The following FOSB variants were observed in gnomAD, a reference collection of about 807,000 sequenced individuals.
FOSB encodes protein FosB.
In FOSB, 8 loss-of-function variants were observed where a neutral mutation model predicts 31.1. The ratio of observed to expected loss-of-function variants is 0.26; its 90% CI spans 0.15 to 0.46. FOSB has a LOEUF of 0.46. Among genes scored for constraint, FOSB ranks in the 20% least tolerant of loss-of-function variants. The pLI, the probability that FOSB is intolerant of heterozygous loss-of-function variation, is 0.99. For missense variants in FOSB, 376 were observed against 460.6 expected, an observed-to-expected ratio of 0.82 and a Z score of 1.68; for synonymous variants, 214 against 206.1, an observed-to-expected ratio of 1.04 and a Z score of -0.33.
rs753462057 is a variant in FOSB, at chr19:45,472,562, G to A, written c.567G>A (p.Gln189=). The A allele has an allele frequency of 3.3e-6, 5 of 1,513,752 alleles. No individual in the cohort carries two copies. Among genetic ancestry groups the A allele is most frequent in the South Asian group, 1.3e-5 (1 of 74,316 alleles). The allele number at this position is 1,513,752 out of a possible 1,614,324, so 93.8% of individuals were successfully genotyped here. A position where few individuals can be genotyped will look rare whatever the true frequency, so the allele number is the denominator to read the frequency against. ...CTCCCTGGCCTCAGGAGACAGATCA[G>A]TTGGAGGAAGAAAAAGCAGAGCTGG... ...LTDRLQAETD[Q]LEEEKAELES... Residue 189 remains glutamine, a synonymous_variant, in exon 4 of 4, where the codon CAG becomes CAA. Transcript: ENST00000353609. The surrounding 1 kb of genome is among the most constrained non-coding windows in gnomAD (Gnocchi z 5.4).
Position 45,474,891 on chromosome 19 carries a change from G to A in FOSB, c.*1879G>A, listed in dbSNP as rs2122172062. The A allele has an allele frequency of 6.6e-6, 1 of 152,186 alleles. No homozygotes were observed. Among genetic ancestry groups the A allele is most frequent in the Non-Finnish European group, 1.5e-5 (1 of 68,012 alleles). 9.4% of individuals were successfully genotyped at this position (152,186 alleles called of 1,614,324 possible). A position where few individuals can be genotyped will look rare whatever the true frequency, so the allele number is the denominator to read the frequency against. On this transcript the variant is annotated 3_prime_UTR_variant, in exon 4 of 4. Coordinates refer to ENST00000353609, the MANE Select transcript of FOSB (RefSeq NM_006732.3). ...ATGCTCCAGCTGTCGTCTGACTCTG[G>A]GTTCGTTGGGGACATGAGATTTTAT...
At chr19:45,469,156 C>T (rs1269761094) in intron 1 of FOSB, among the ~76,000 whole-genome samples, 2 of 152,256 alleles carry the variant, frequency 1.3e-5, no homozygotes, top group Non-Finnish European at 2.9e-5. Context: ...GGGTCGCCCT[C>T]CACCCATCGG....
chr19:45,471,276 G>C lies in FOSB; in HGVS notation c.530G>C (p.Arg177Thr). The C allele has an allele frequency of 6.4e-7, 1 of 1,566,016 alleles. No homozygotes were observed. The highest frequency in any genetic ancestry group is 8.7e-7 in the Non-Finnish European group (1 of 1,154,884). Reference protein sequence around the residue: ...LAAAKCRNRRRELTDRLQAET... With the variant: ...LAAAKCRNRRTELTDRLQAET... ...GCAGCTAAATGCAGGAACCGGCGGA[G>C]GGAGCTGACCGACCGACTCCAGGCG... is the stretch of plus-strand genomic sequence containing the variant. Residue 177 changes from arginine to threonine, a missense_variant, in exon 3 of 4, where the codon AGG becomes ACG. Physicochemically the swap from Arg to Thr is moderately conservative, Grantham distance 71. Around this residue, in one of 3 missense-constraint regions of FOSB, gnomAD observed 35 missense variants for 83.5 expected, o/e 0.42. Coordinates refer to ENST00000353609, the MANE Select transcript of FOSB (RefSeq NM_006732.3).
At position 45,472,572 on chromosome 19, in the gene FOSB, G is replaced by C; in HGVS notation, c.577G>C (p.Glu193Gln). 1 of 1,517,686 alleles carries C rather than the reference G, an allele frequency of 6.6e-7. No individual in the cohort carries two copies. Among genetic ancestry groups the C allele is most frequent in the Non-Finnish European group, 8.8e-7 (1 of 1,135,092 alleles). 94.0% of individuals were successfully genotyped at this position (1,517,686 alleles called of 1,614,324 possible). A position where few individuals can be genotyped will look rare whatever the true frequency, so the allele number is the denominator to read the frequency against. ...LQAETDQLEE[E>Q]KAELESEIAE... ...TCAGGAGACAGATCAGTTGGAGGAAGAAAAAGCAGAGCTGGAGTCGGAGAT... is the reference window on the plus strand; with the variant it reads ...TCAGGAGACAGATCAGTTGGAGGAACAAAAAGCAGAGCTGGAGTCGGAGAT... The change falls in exon 4 of 4, where the codon GAA becomes CAA. Residue 193 changes from glutamate (E) to glutamine (Q), a missense_variant. This residue lies in a region of FOSB where 35 missense variants were observed against 83.5 expected (regional missense o/e 0.42). Transcript: ENST00000353609. This position sits in a 1 kb window ranked among gnomAD's most constrained non-coding sequence, Gnocchi z 5.4.
At chr19:45,471,076 G>A (rs902667222) in intron 2 of FOSB, 118 bp from the exon 3 acceptor site, 4 of 1,328,876 alleles carry the variant, frequency 3.0e-6, no homozygotes, top group Non-Finnish European at 4.2e-6. Context: ...CTTGCTACAC[G>A]AGCGAGGACC....
At position 45,468,901 on chromosome 19, in the gene FOSB, G is replaced by A. The variant is rs1227307220; in HGVS notation, c.126+189G>A. Reference sequence around the variant, plus strand: ...TTGCAATTGGTTGCGTGCGTGGAGCGCAAGGAGGGAACGCGGCAGGGAGGG... The same window carrying A: ...TTGCAATTGGTTGCGTGCGTGGAGCACAAGGAGGGAACGCGGCAGGGAGGG... On this transcript the variant is annotated intron_variant, in intron 1 of 3. Transcript: ENST00000353609. This position sits in a 1 kb window ranked among gnomAD's most constrained non-coding sequence, Gnocchi z 4.8. Among the ~76,000 whole-genome samples, 1 of 152,174 alleles carries A rather than the reference G, an allele frequency of 6.6e-6. No individual in the cohort carries two copies.
rs377466585 is a variant in FOSB, at chr19:45,470,893, G to C, written c.391G>C (p.Gly131Arg). The change falls in exon 2 of 4, where the codon GGG (glycine) becomes CGG (arginine). Residue 131 changes from glycine (G) to arginine (R), a missense_variant. By Grantham distance (125) the Gly-to-Arg change is moderately radical. Transcript: ENST00000353609. ...GGPSTSGTTS[G>R]PGPARPARAR... Reference sequence around the variant, plus strand: ...GCCTTCCACCAGCGGAACTACCAGTGGGCCTGGGCCTGCCCGCCCAGCCCG... The same window carrying C: ...GCCTTCCACCAGCGGAACTACCAGTCGGCCTGGGCCTGCCCGCCCAGCCCG... The C allele has an allele frequency of 6.8e-6, 11 of 1,613,728 alleles. No individual in the cohort carries two copies. In the African/African-American group the frequency reaches 1.3e-4, roughly 20 times the overall value.
intron 3 of FOSB, chr19:45,471,502 C>CCT (rs1555795295): frequency 6.8e-6 from 3 of 439,380 alleles, no homozygotes; most frequent in African/African-American, 4.0e-5. Context: ...CTGGTCCCCC[C>CCT]CCCATTTCCT....
intron 2 of FOSB, 70 bp downstream of exon 2, chr19:45,471,019 G>T: frequency 6.7e-7 from 1 of 1,501,306 alleles, no homozygotes; most frequent in Non-Finnish European, 9.2e-7. Context: ...TCTTATGAAT[G>T]GAGGGGGGCT....
chr19:45,470,921 C>T lies in FOSB; in HGVS notation c.419C>T (p.Ala140Val). 1 of 1,612,888 alleles carries T rather than the reference C, an allele frequency of 6.2e-7. No individual in the cohort carries two copies. The highest frequency in any genetic ancestry group is 1.3e-5 in the African/African-American group (1 of 75,006). ...CCTGGGCCTGCCCGCCCAGCCCGAG[C>T]CCGGCCTAGGAGACCCCGAGAGGAG... ...SGPGPARPAR[A>V]RPRRPREETL... The change falls in exon 2 of 4, where the codon GCC becomes GTC. Residue 140 changes from alanine to valine, a missense_variant. Physicochemically the swap from Ala to Val is moderately conservative, Grantham distance 64 (BLOSUM62 0). Coordinates refer to ENST00000353609, the MANE Select transcript of FOSB (RefSeq NM_006732.3).
chr19:45,470,603 CTGTG>C lies in FOSB; in HGVS notation c.127-20_127-17del, dbSNP rs766662878. On this transcript the variant is annotated intron_variant, in intron 1 of 3. Coordinates refer to ENST00000353609, the MANE Select transcript of FOSB (RefSeq NM_006732.3). Reference sequence around the variant, plus strand: ...GGTGTCTTTGTTTGTGTGTCTACGCCTGTGTGTGTATGTGTCACCCCGTAGGAGT... The same window carrying C: ...GGTGTCTTTGTTTGTGTGTCTACGCCTGTGTATGTGTCACCCCGTAGGAGT... 167 of 1,577,338 alleles carry C rather than the reference CTGTG, an allele frequency of 1.1e-4. No individual in the cohort carries two copies. In the Admixed American group the frequency reaches 2.2e-3, roughly 21 times the overall value.
rs771687459 is a variant in FOSB, at chr19:45,470,671, A to T, written c.169A>T (p.Thr57Ser). 1 of 1,612,466 alleles carries T rather than the reference A, an allele frequency of 6.2e-7. No homozygotes were observed. The highest frequency in any genetic ancestry group is 1.1e-5 in the South Asian group (1 of 91,022). ...GGAAATGCCCGGTTCCTTCGTGCCC[A>T]CGGTCACCGCGATCACAACCAGCCA... ...LGEMPGSFVP[T>S]VTAITTSQDL... Residue 57 changes from threonine to serine, a missense_variant, in exon 2 of 4, where the codon ACG becomes TCG. Physicochemically the swap from Thr to Ser is moderately conservative, Grantham distance 58. This residue lies in a region of FOSB where 193 missense variants were observed against 207.1 expected (regional missense o/e 0.93). Coordinates refer to ENST00000353609, the MANE Select transcript of FOSB (RefSeq NM_006732.3).
rs1568614306 is a variant in FOSB, at chr19:45,472,541, C to A, written c.556-10C>A. On this transcript the variant is annotated splice_polypyrimidine_tract_variant and intron_variant, in intron 3 of 3. Transcript: ENST00000353609. The surrounding 1 kb of genome is among the most constrained non-coding windows in gnomAD (Gnocchi z 5.4). ...CTCTCTCTTCTGTGACCTGGCCTCC[C>A]TGGCCTCAGGAGACAGATCAGTTGG... The A allele has an allele frequency of 1.3e-6, 2 of 1,506,424 alleles. No individual in the cohort carries two copies. Among genetic ancestry groups the A allele is most frequent in the East Asian group, 4.6e-5 (2 of 43,210 alleles). The allele number at this position is 1,506,424 out of a possible 1,614,324, so 93.3% of individuals were successfully genotyped here.
chr19:45,472,479 A>T lies in FOSB; in HGVS notation c.556-72A>T. The T allele has an allele frequency of 7.9e-7, 1 of 1,272,374 alleles. No individual in the cohort carries two copies. Among genetic ancestry groups the T allele is most frequent in the Non-Finnish European group, 1.1e-6 (1 of 945,592 alleles). 78.8% of individuals were successfully genotyped at this position (1,272,374 alleles called of 1,614,324 possible). ...GCAAGTCCAAGGGAGCCATGACCCG[A>T]GTTTCCCGGTCACTGACATGCTTTT... is the stretch of plus-strand genomic sequence containing the variant. On this transcript the variant is annotated intron_variant, in intron 3 of 3. Coordinates refer to ENST00000353609, the MANE Select transcript of FOSB (RefSeq NM_006732.3). The surrounding 1 kb of genome is among the most constrained non-coding windows in gnomAD (Gnocchi z 5.4).
In FOSB at chr19:45,471,218, C is replaced by A; in HGVS notation, c.472C>A (p.Arg158=). 1.3e-6 allele frequency: 2 copies of A among 1,565,990 alleles called. No individual in the cohort carries two copies. The highest frequency in any genetic ancestry group is 1.7e-6 in the Non-Finnish European group (2 of 1,154,948). The change falls in exon 3 of 4, where the codon CGA becomes AGA. Residue 158 remains arginine (R), a synonymous_variant. Coordinates refer to ENST00000353609, the MANE Select transcript of FOSB (RefSeq NM_006732.3). ...GCTCACCCCAGAGGAAGAGGAGAAGCGAAGGGTGCGCCGGGAACGAAATAA... is the reference window on the plus strand; with the variant it reads ...GCTCACCCCAGAGGAAGAGGAGAAGAGAAGGGTGCGCCGGGAACGAAATAA... The part of the protein sequence containing the change: ...ETLTPEEEEK[R]RVRRERNKLA...
chr19:45,468,752 ATTTTTT>A lies in FOSB; in HGVS notation c.126+41_126+46del. 1 of 1,553,776 alleles carries A rather than the reference ATTTTTT, an allele frequency of 6.4e-7. No individual in the cohort carries two copies. The highest frequency in any genetic ancestry group is 8.7e-7 in the Non-Finnish European group (1 of 1,153,884). On this transcript the variant is annotated intron_variant, in intron 1 of 3. Transcript: ENST00000353609. The surrounding 1 kb of genome is among the most constrained non-coding windows in gnomAD (Gnocchi z 4.8). ...GTAGGGGTGCTGCTTTGTAGGTTTT[ATTTTTT>A]AAGTCAAGGGTGAAAAGAATAAACC...
chr19:45,469,218 A>T (rs141672321), intron 1 of FOSB, among the ~76,000 whole-genome samples: 72 of 152,260 alleles, frequency 4.7e-4, no homozygotes, highest in Admixed American at 9.8e-4. Context: ...CTGCGCGGAG[A>T]CGTAACGGGG....
rs1967652266 is a variant in FOSB, at chr19:45,471,288, A to G, written c.542A>G (p.Asp181Gly). The change falls in exon 3 of 4, where the codon GAC becomes GGC. Residue 181 changes from aspartate (D) to glycine (G), a missense_variant. Asp to Gly is a moderately conservative substitution (Grantham distance 94). This residue lies in a region of FOSB where 35 missense variants were observed against 83.5 expected (regional missense o/e 0.42). Coordinates refer to ENST00000353609, the MANE Select transcript of FOSB (RefSeq NM_006732.3). ...AGGAACCGGCGGAGGGAGCTGACCGACCGACTCCAGGCGGTGAGGACAGGC... is the reference window on the plus strand; with the variant it reads ...AGGAACCGGCGGAGGGAGCTGACCGGCCGACTCCAGGCGGTGAGGACAGGC... ...KCRNRRRELTDRLQAETDQLE... is the reference protein window; with the variant it reads ...KCRNRRRELTGRLQAETDQLE... 6.4e-7 allele frequency: 1 copy of G among 1,562,644 alleles called. No homozygotes were observed. Among genetic ancestry groups the G allele is most frequent in the South Asian group, 1.2e-5 (1 of 84,842 alleles).
rs373485658 is a variant in FOSB at position 45,472,624 on chromosome 19, G to A, written c.629G>A (p.Arg210His). 2.6e-6 allele frequency: 4 copies of A among 1,568,288 alleles called. No individual in the cohort carries two copies. The highest frequency in any genetic ancestry group is 2.7e-5 in the African/African-American group (2 of 72,874). ...GCCGAGCTCCAAAAGGAGAAGGAAC[G>A]TCTGGAGTTTGTGCTGGTGGCCCAC... ...EIAELQKEKE[R>H]LEFVLVAHKP... Residue 210 changes from arginine to histidine, a missense_variant, in exon 4 of 4, where the codon CGT becomes CAT. By Grantham distance (29) the Arg-to-His change is conservative. Coordinates refer to ENST00000353609, the MANE Select transcript of FOSB (RefSeq NM_006732.3). This position sits in a 1 kb window ranked among gnomAD's most constrained non-coding sequence, Gnocchi z 5.4.
Sources: allele counts gnomAD v4.1 joint callset (sites outside exome capture counted in the v4.1 genomes callset), GRCh38; gene constraint gnomAD v4.1.1; regional missense constraint gnomAD v4.1.1; non-coding constraint Gnocchi (gnomAD v3.1); transcripts MANE v1.5; gene names NCBI Gene and HGNC (gene_info 2026-07-23, HGNC 2026-07-21).